Variants in ZC3H6 observed in about 807,000 individuals in gnomAD.
ZC3H6 encodes the protein zinc finger CCCH domain-containing protein 6.
ZC3H6 carries 40 observed loss-of-function variants against 107.7 expected under a neutral mutation model. The observed-to-expected ratio is 0.37, with a 90% CI of 0.29 to 0.48. The LOEUF is 0.48. Among genes scored for constraint, ZC3H6 ranks in the 20% least tolerant of loss-of-function variants. The pLI is 0.98. For missense variants in ZC3H6, 1,267 were observed against 1,410.4 expected, an observed-to-expected ratio of 0.90 and a Z score of 1.63; for synonymous variants, 493 against 487.9, an observed-to-expected ratio of 1.01 and a Z score of -0.14.
chr2:112,326,233 GT>G (rs969043261), intron 11 of ZC3H6, among the ~76,000 whole-genome samples: 3 of 151,188 alleles, frequency 2.0e-5, no homozygotes, highest in African/African-American at 7.3e-5. Context: ...TACTCTTTTA[GT>G]TTTTTTTTAA....
intron 1 of ZC3H6, among the ~76,000 whole-genome samples, chr2:112,283,437 C>T (rs1449050092): frequency 6.6e-6 from 1 of 151,936 alleles, no homozygotes; most frequent in Non-Finnish European, 1.5e-5. Flanking sequence ...AATCAAGTTC[C>T]GAGTAGTTTC....
chr2:112,276,047 G>A (rs760267908), intron 1 of ZC3H6, 21 bp downstream of exon 1: 3 of 1,539,122 alleles, frequency 1.9e-6, no homozygotes, highest in Admixed American at 2.0e-5. Flanking sequence ...CTTCTTGTCT[G>A]TCTTTCTGTC....
chr2:112,276,473 T>C (rs1429475252), intron 1 of ZC3H6, among the ~76,000 whole-genome samples: 1 of 152,130 alleles, frequency 6.6e-6, no homozygotes, highest in Non-Finnish European at 1.5e-5. Flanking sequence ...AAAATAAACA[T>C]TTGGTTTTCA....
At chr2:112,294,286 C>T (rs1573950980) in intron 1 of ZC3H6, among the ~76,000 whole-genome samples, 2 of 152,252 alleles carry the variant, frequency 1.3e-5, no homozygotes, top group South Asian at 2.1e-4. Flanking sequence ...AAGGAAGAAA[C>T]GACCGTGTGA....
intron 11 of ZC3H6, among the ~76,000 whole-genome samples, chr2:112,329,937 A>ATAGGTAGGCTTCTT (rs781711503): frequency 2.6e-5 from 4 of 152,146 alleles, no homozygotes; most frequent in Non-Finnish European, 5.9e-5. Flanking sequence ...AAGACTTACG[A>ATAGGTAGGCTTCTT]TAGGTAGGCT....
Position 112,317,325 on chromosome 2 carries a change from T to C in ZC3H6, c.969T>C (p.Tyr323=). ...GYCTKGENCI[Y]MHNEFPCKFY... is the part of the protein sequence containing the mutation. ...GTACCAAAGGAGAGAACTGCATTTA[T>C]ATGCATAATATCCTTTATTTAAAAT... Residue 323 remains tyrosine, a synonymous_variant, in exon 7 of 12, where the codon TAT becomes TAC. Coordinates refer to ENST00000409871, the MANE Select transcript of ZC3H6 (RefSeq NM_198581.3). 1 of 1,434,174 alleles carries C rather than the reference T, an allele frequency of 7.0e-7. No individual in the cohort carries two copies. The highest frequency in any genetic ancestry group is 9.6e-7 in the Non-Finnish European group (1 of 1,045,166). 88.8% of individuals were successfully genotyped at this position (1,434,174 alleles called of 1,614,324 possible).
At chr2:112,293,402 A>G (rs1676157823) in intron 1 of ZC3H6, among the ~76,000 whole-genome samples, 1 of 152,214 alleles carries the variant, frequency 6.6e-6, no homozygotes, top group Non-Finnish European at 1.5e-5. Context: ...GGGTGTAAGA[A>G]TGTATTGGAT....
chr2:112,330,180 G>A (rs999547032), intron 11 of ZC3H6, among the ~76,000 whole-genome samples: 2 of 151,906 alleles, frequency 1.3e-5, no homozygotes, highest in East Asian at 1.9e-4. Context: ...AGCCTCCTGA[G>A]TAGCTGGGAC....
At chr2:112,308,925 G>A (rs1473093462) in intron 3 of ZC3H6, among the ~76,000 whole-genome samples, 1 of 151,386 alleles carries the variant, frequency 6.6e-6, no homozygotes, top group Non-Finnish European at 1.5e-5. Context: ...GTTGGTGCGC[G>A]CCTGTAATCC....
At chr2:112,308,016 A>C (rs1345033670) in intron 3 of ZC3H6, among the ~76,000 whole-genome samples, 1 of 152,254 alleles carries the variant, frequency 6.6e-6, no homozygotes. Context: ...ATATAGTCAC[A>C]GTTTTAATAA....
At chr2:112,281,009 C>T (rs1297416302) in intron 1 of ZC3H6, among the ~76,000 whole-genome samples, 1 of 152,058 alleles carries the variant, frequency 6.6e-6, no homozygotes, top group Admixed American at 6.5e-5. Flanking sequence ...TTTCATTAAA[C>T]ATGAAGCTTA....
Position 112,322,919 on chromosome 2 carries a change from C to G in ZC3H6, c.1340+17C>G, listed in dbSNP as rs979578306. ...TGGGAGGAAGTAAGTGAAAAACTTT[C>G]AAAATGACATCAAATATTTTTTTCT... On this transcript the variant is annotated intron_variant, in intron 9 of 11. Coordinates refer to ENST00000409871, the MANE Select transcript of ZC3H6 (RefSeq NM_198581.3). 1 of 1,561,252 alleles carries G rather than the reference C, an allele frequency of 6.4e-7. No homozygotes were observed. Among genetic ancestry groups the G allele is most frequent in the Non-Finnish European group, 8.6e-7 (1 of 1,159,376 alleles).
At position 112,331,378 on chromosome 2, in the gene ZC3H6, A is replaced by G; in HGVS notation, c.2460A>G (p.Arg820=). ...ANAGTNVKHK[R]GDDDDEDTER... ...CTGGCACTAATGTCAAACACAAAAG[A>G]GGCGATGATGATGATGAAGATACAG... Residue 820 remains arginine (R), a synonymous_variant, in exon 12 of 12, where the codon AGA becomes AGG. Coordinates refer to ENST00000409871, the MANE Select transcript of ZC3H6 (RefSeq NM_198581.3). The G allele has an allele frequency of 6.2e-7, 1 of 1,613,774 alleles. No individual in the cohort carries two copies. Among genetic ancestry groups the G allele is most frequent in the Non-Finnish European group, 8.5e-7 (1 of 1,179,876 alleles).
chr2:112,285,130 ACTCT>A (rs1225466166), intron 1 of ZC3H6, among the ~76,000 whole-genome samples: 1 of 152,066 alleles, frequency 6.6e-6, no homozygotes, highest in African/African-American at 2.4e-5. Flanking sequence ...TCATTAGCTA[ACTCT>A]CTCAATATTA....
intron 2 of ZC3H6, among the ~76,000 whole-genome samples, chr2:112,301,540 A>G (rs995835467): frequency 3.3e-5 from 5 of 152,202 alleles, no homozygotes; most frequent in African/African-American, 1.2e-4. Flanking sequence ...TTTTTTTCAC[A>G]TGAGAAGCAA....
chr2:112,303,025 A>AG lies in ZC3H6; in HGVS notation c.214-202dup, dbSNP rs200792276. Among the ~76,000 whole-genome samples, 484 of 152,212 alleles carry AG rather than the reference A, an allele frequency of 3.2e-3. 5 individuals carry two copies. Among genetic ancestry groups the AG allele is most frequent in the Admixed American group, 0.028 (432 of 15,284 alleles). ...AATGTCATAAAGTCTCTGAGCAGAG[A>AG]GGAAGATAGACTTCTCAGAAAACCT... On this transcript the variant is annotated intron_variant, in intron 2 of 11. Transcript: ENST00000409871.
At chr2:112,283,065 C>T (rs1264964362) in intron 1 of ZC3H6, among the ~76,000 whole-genome samples, 2 of 152,042 alleles carry the variant, frequency 1.3e-5, no homozygotes, top group Non-Finnish European at 2.9e-5. Context: ...TTTGCTTGAT[C>T]CTCTGGGCTT....
At chr2:112,277,790 T>C (rs1686453314) in intron 1 of ZC3H6, among the ~76,000 whole-genome samples, 1 of 152,140 alleles carries the variant, frequency 6.6e-6, no homozygotes, top group Non-Finnish European at 1.5e-5. Flanking sequence ...GTTTTTTTTT[T>C]TCATGCTTTT....
At chr2:112,303,995 C>T (rs1676431347) in intron 3 of ZC3H6, among the ~76,000 whole-genome samples, 2 of 152,188 alleles carry the variant, frequency 1.3e-5, no homozygotes, top group Admixed American at 1.3e-4. Flanking sequence ...ACAGTGGCTG[C>T]ACTATTTTAC....
Sources: allele counts gnomAD v4.1 joint callset (sites outside exome capture counted in the v4.1 genomes callset), GRCh38; gene constraint gnomAD v4.1.1; transcripts MANE v1.5; gene names NCBI Gene and HGNC (gene_info 2026-07-23, HGNC 2026-07-21).